PCM1: variants seen among roughly 807,000 people sequenced by gnomAD.
PCM1 encodes pericentriolar material 1, also known as pericentriolar material 1 protein.
PCM1 carries 157 observed loss-of-function variants against 241.9 expected under a neutral mutation model. That is an observed-to-expected ratio of 0.65 (90% CI 0.57 to 0.74). The LOEUF is 0.74. PCM1 is among the 30% of genes least tolerant of loss of function. The probability of loss-of-function intolerance (pLI) is 0.00; values close to 1 mark genes in which losing one functional copy is unlikely to be tolerated. For missense variants in PCM1, 3,478 were observed against 2,360.1 expected (o/e 1.47, Z -9.81); for synonymous variants, 1,085 against 784.9 (o/e 1.38, Z -6.39).
intron 23 of PCM1, among the ~76,000 whole-genome samples, chr8:17,973,285 A>G (rs936608059): frequency 1.3e-5 from 2 of 152,150 alleles, no homozygotes; most frequent in South Asian, 2.1e-4. Flanking sequence ...TTTTTGAATT[A>G]TTTACTGAAG....
intron 2 of PCM1, among the ~76,000 whole-genome samples, chr8:17,930,983 T>C (rs2058836400): frequency 6.6e-6 from 1 of 152,232 alleles, no homozygotes; most frequent in Non-Finnish European, 1.5e-5. Context: ...TAAACACATT[T>C]GGTGTCATCA....
chr8:18,025,603 A>T lies in PCM1; in HGVS notation c.5994A>T (p.Ile1998=). ...AGAAAAACCATTTATCTGGTGAAAT[A>T]TGTGAAATGCAGACCGAAGAATTAG... The part of the protein sequence containing the change: ...EEQKNHLSGE[I]CEMQTEELAG... The change falls in exon 38 of 39, where the codon ATA becomes ATT. Residue 1998 remains isoleucine, a synonymous_variant. Transcript: ENST00000325083. The T allele has an allele frequency of 6.3e-7, 1 of 1,584,862 alleles. No individual in the cohort carries two copies. Among genetic ancestry groups the T allele is most frequent in the Middle Eastern group, 1.7e-4 (1 of 6,014 alleles).
At chr8:17,969,281 G>C (rs1331005735) in intron 21 of PCM1, 1 of 238,004 alleles carries the variant, frequency 4.2e-6, no homozygotes, top group Non-Finnish European at 8.0e-6. Flanking sequence ...CAAGTAACAT[G>C]TAAAGTGCCT....
Position 17,960,052 on chromosome 8 carries a change from A to G in PCM1, c.2079A>G (p.Ala693=), listed in dbSNP as rs750802562. Residue 693 remains alanine (A), a synonymous_variant, in exon 14 of 39, where the codon GCA becomes GCG. Transcript: ENST00000325083. The part of the protein sequence containing the change: ...DAAQGVISAS[A]SNLDDFYPAE... ...CTCAAGGAGTTATCTCTGCCAGTGC[A>G]TCAAATTTGGATGATTTCTACCCAG... 1.2e-6 allele frequency: 2 copies of G among 1,612,758 alleles called. No individual in the cohort carries two copies. The highest frequency in any genetic ancestry group is 1.7e-4 in the Middle Eastern group (1 of 6,060).
chr8:17,969,631 T>C lies in PCM1; in HGVS notation c.3467T>C (p.Ile1156Thr). 6.2e-7 allele frequency: 1 copy of C among 1,612,622 alleles called. No individual in the cohort carries two copies. Among genetic ancestry groups the C allele is most frequent in the Non-Finnish European group, 8.5e-7 (1 of 1,179,020 alleles). ...AATTTTGGAGATTTTTCTCAGAATA[T>C]CTCTACACCCAGTGAACAGCAGCAA... is the stretch of plus-strand genomic sequence containing the variant. ...PSNFGDFSQN[I>T]STPSEQQQPL... The change falls in exon 22 of 39, where the codon ATC becomes ACC. Residue 1156 changes from isoleucine (I) to threonine (T), a missense_variant. Ile to Thr is a moderately conservative substitution (Grantham distance 89). Transcript: ENST00000325083.
At chr8:17,946,658 G>A (rs1444990126) in intron 6 of PCM1, among the ~76,000 whole-genome samples, 5 of 152,024 alleles carry the variant, frequency 3.3e-5, no homozygotes, top group Admixed American at 6.6e-5. Context: ...CGCCACACCC[G>A]GCTAATTTTT....
At chr8:17,998,583 T>C (rs2087887350) in intron 29 of PCM1, among the ~76,000 whole-genome samples, 1 of 152,170 alleles carries the variant, frequency 6.6e-6, no homozygotes, top group Non-Finnish European at 1.5e-5. Context: ...CTTTGGTGAC[T>C]TACCACTGTG....
At chr8:17,956,164 T>C (rs2068346223) in intron 10 of PCM1, among the ~76,000 whole-genome samples, 1 of 152,214 alleles carries the variant, frequency 6.6e-6, no homozygotes, top group Admixed American at 6.5e-5. Flanking sequence ...AAACGTAGTA[T>C]GTAGTGTATA....
In PCM1 at chr8:17,966,042, C is replaced by T; in HGVS notation, c.2899C>T (p.Pro967Ser). Reference protein sequence around the residue: ...CPFSADENYRPLAKTRQQNIS... With the variant: ...CPFSADENYRSLAKTRQQNIS... ...TTTTTCGGCAGATGAAAATTATCGT[C>T]CTTTAGCCAAGACAAGGCAACAGAA... is the stretch of plus-strand genomic sequence containing the variant. The change falls in exon 19 of 39, where the codon CCT (proline) becomes TCT (serine). Residue 967 changes from proline to serine, a missense_variant. Transcript: ENST00000325083. 6.2e-7 allele frequency: 1 copy of T among 1,613,234 alleles called. No individual in the cohort carries two copies. Among genetic ancestry groups the T allele is most frequent in the Non-Finnish European group, 8.5e-7 (1 of 1,179,626 alleles).
At chr8:17,949,044 T>G (rs2064996179) in intron 7 of PCM1, among the ~76,000 whole-genome samples, 1 of 152,228 alleles carries the variant, frequency 6.6e-6, no homozygotes, top group Admixed American at 6.5e-5. Flanking sequence ...TCTTGTTTCT[T>G]TTTCTGAATA....
intron 36 of PCM1, among the ~76,000 whole-genome samples, chr8:18,022,846 G>C (rs985516445): frequency 2.6e-5 from 4 of 152,146 alleles, no homozygotes; most frequent in Non-Finnish European, 4.4e-5. Flanking sequence ...TTGGTTCAAA[G>C]GAAACTCTAG....
At chr8:17,994,934 C>G (rs1423251440) in intron 29 of PCM1, among the ~76,000 whole-genome samples, 4 of 151,352 alleles carry the variant, frequency 2.6e-5, no homozygotes, top group Non-Finnish European at 5.9e-5. Flanking sequence ...TTATTAATCC[C>G]TTGTCGGATG....
At chr8:17,959,771 A>T (rs1487979926) in intron 13 of PCM1, among the ~76,000 whole-genome samples, 1 of 152,150 alleles carries the variant, frequency 6.6e-6, no homozygotes, top group Non-Finnish European at 1.5e-5. Flanking sequence ...CATTACTGGA[A>T]TTGGCCTTTT....
chr8:18,022,098 A>T (rs551568531), intron 36 of PCM1, among the ~76,000 whole-genome samples: 4 of 152,102 alleles, frequency 2.6e-5, no homozygotes, highest in Admixed American at 6.5e-5. Context: ...ACTACTCACA[A>T]TGCAGCAAAA....
intron 2 of PCM1, among the ~76,000 whole-genome samples, chr8:17,933,254 AT>A (rs1409410510): frequency 1.3e-5 from 2 of 152,156 alleles, no homozygotes; most frequent in East Asian, 3.8e-4. Context: ...GATTACATGT[AT>A]TTGAGGGTTT....
intron 22 of PCM1, among the ~76,000 whole-genome samples, chr8:17,970,934 T>C (rs2076630964): frequency 6.6e-6 from 1 of 152,196 alleles, no homozygotes; most frequent in Non-Finnish European, 1.5e-5. Context: ...TGTAGTCTTA[T>C]TCAGGGGTCA....
At position 17,967,574 on chromosome 8, in the gene PCM1, C is replaced by T. The variant is rs186566020; in HGVS notation, c.3412+404C>T. Among the ~76,000 whole-genome samples, 152 of 152,316 alleles carry T rather than the reference C, an allele frequency of 1.0e-3. 2 individuals are homozygous for T. The highest frequency in any genetic ancestry group is 3.4e-3 in the African/African-American group (142 of 41,570). On this transcript the variant is annotated intron_variant, in intron 21 of 38. Coordinates refer to ENST00000325083, the MANE Select transcript of PCM1 (RefSeq NM_006197.4). ...CCACCTGCCTTGGCCTCCCATGGTGCTGGGATTACAGGCATGAGCCACCGT... is the reference window on the plus strand; with the variant it reads ...CCACCTGCCTTGGCCTCCCATGGTGTTGGGATTACAGGCATGAGCCACCGT...
chr8:18,010,055 T>G (rs990368012), intron 31 of PCM1, among the ~76,000 whole-genome samples: 7 of 152,240 alleles, frequency 4.6e-5, no homozygotes. Context: ...CCTGGGCCAG[T>G]GCCAGGTGCC....
intron 12 of PCM1, 49 bp downstream of exon 12, chr8:17,957,470 A>T: frequency 6.2e-7 from 1 of 1,607,384 alleles, no homozygotes; most frequent in South Asian, 1.1e-5. Flanking sequence ...ATTCTTACAA[A>T]GTGGGTTTTC....
Sources: gnomAD v4.1 joint callset for allele counts (sites outside exome capture counted in the v4.1 genomes callset) on GRCh38, gnomAD v4.1.1 for gene constraint, MANE v1.5 for transcripts, NCBI Gene and HGNC (gene_info 2026-07-23, HGNC 2026-07-21) for gene names.